Variants in NUP98 observed in about 807,000 individuals in gnomAD.
The protein encoded by NUP98 is nucleoporin 98 and 96 precursor.
Under a neutral mutation model 191.9 loss-of-function variants are expected in NUP98, and 26 were observed. The observed-to-expected ratio is 0.14, with a 90% CI of 0.10 to 0.19. NUP98 has a LOEUF of 0.19. Ranked by LOEUF, NUP98 falls within the 10% of genes least tolerant of loss-of-function variation. NUP98 has a pLI of 1.00. For missense variants in NUP98, 1,941 were observed against 2,178.8 expected (o/e 0.89, Z 2.17); for synonymous variants, 808 against 778.4 (o/e 1.04, Z -0.63).
chr11:3,771,759 G>T lies in NUP98; in HGVS notation c.773C>A (p.Ala258Asp). The T allele has an allele frequency of 6.2e-7, 1 of 1,613,882 alleles. No individual in the cohort carries two copies. The highest frequency in any genetic ancestry group is 8.5e-7 in the Non-Finnish European group (1 of 1,179,862). ...TATCAAGTGCTTACTAGTTCCAAAG[G>T]CAGTTTTGTTCTGACCATATGCAAA... is the stretch of plus-strand genomic sequence containing the variant. Reference protein sequence around the residue: ...SGFAYGQNKTAFGTSTTGFGT... With the variant: ...SGFAYGQNKTDFGTSTTGFGT... The change falls in exon 7 of 33, where the codon GCC (alanine) becomes GAC (aspartate). Residue 258 changes from alanine to aspartate, a missense_variant. By Grantham distance (126) the Ala-to-Asp change is moderately radical (BLOSUM62 -2). Transcript: ENST00000324932.
chr11:3,693,583 G>C (rs890865550), intron 26 of NUP98, among the ~76,000 whole-genome samples: 38 of 152,156 alleles, frequency 2.5e-4, no homozygotes, highest in Middle Eastern at 6.3e-3. Context: ...GATTGATACA[G>C]AGTTGCACTG....
rs142489324 is a variant in NUP98 at position 3,753,345 on chromosome 11, C to G, written c.1238G>C (p.Gly413Ala). 2.8e-5 allele frequency: 46 copies of G among 1,614,122 alleles called. No homozygotes were observed. Among genetic ancestry groups the G allele is most frequent in the Non-Finnish European group, 3.6e-5 (43 of 1,180,006 alleles). ...TCCAAATCCTGCACCAAGCCCAGTTCCAAGAGTCCCAGGTGCTGGTTTACT... is the reference window on the plus strand; with the variant it reads ...TCCAAATCCTGCACCAAGCCCAGTTGCAAGAGTCCCAGGTGCTGGTTTACT... The part of the protein sequence containing the change: ...FGSKPAPGTL[G>A]TGLGAGFGTA... The change falls in exon 11 of 33, where the codon GGA becomes GCA. Residue 413 changes from glycine (G) to alanine (A), a missense_variant. Physicochemically the swap from Gly to Ala is moderately conservative, Grantham distance 60. This residue lies in a region of NUP98 where 453 missense variants were observed against 438.2 expected (regional missense o/e 1.03). Transcript: ENST00000324932.
At chr11:3,738,776 CAAAAAAAAA>C (rs58460963) in intron 12 of NUP98, among the ~76,000 whole-genome samples, 4 of 67,242 alleles carry the variant, frequency 5.9e-5, no homozygotes, top group Admixed American at 2.1e-4. Context: ...AGACTCCTCT[CAAAAAAAAA>C]AAAAAAAAAA....
At chr11:3,723,509 T>TAA in intron 15 of NUP98, 54 bp from the exon 16 acceptor site, 2 of 1,471,562 alleles carry the variant, frequency 1.4e-6, no homozygotes, top group Non-Finnish European at 1.9e-6. Context: ...ATAACAATGA[T>TAA]AATAGCTAAC....
chr11:3,686,031 C>G lies in NUP98; in HGVS notation c.4618G>C (p.Glu1540Gln). ...VLQASYAGQL[E>Q]SEGLWEWAIF... is the part of the protein sequence containing the mutation. ...GCCCACTCCCAGAGCCCCTCACTTT[C>G]AAGCTGGCCAGCGTAACTGGCCTGT... Residue 1540 changes from glutamate (E) to glutamine (Q), a missense_variant, in exon 29 of 33, where the codon GAA (glutamate) becomes CAA (glutamine). Physicochemically the swap from Glu to Gln is conservative, Grantham distance 29 (BLOSUM62 2). Around this residue, in one of 6 missense-constraint regions of NUP98, gnomAD observed 1,030 missense variants for 1,115.8 expected, o/e 0.92. Transcript: ENST00000324932. 3 of 1,614,238 alleles carry G rather than the reference C, an allele frequency of 1.9e-6. No homozygotes were observed. Among genetic ancestry groups the G allele is most frequent in the Non-Finnish European group, 2.5e-6 (3 of 1,180,044 alleles).
Position 3,723,344 on chromosome 11 carries a change from G to A in NUP98, c.1959C>T (p.Thr653=). 6.2e-7 allele frequency: 1 copy of A among 1,613,980 alleles called. No individual in the cohort carries two copies. The highest frequency in any genetic ancestry group is 1.1e-5 in the South Asian group (1 of 91,072). Reference sequence around the variant, plus strand: ...TGTGTTTATTTCCAGCACTTTCTGGGGTTTGAGGAATAGGTTTGGCAATAG... The same window carrying A: ...TGTGTTTATTTCCAGCACTTTCTGGAGTTTGAGGAATAGGTTTGGCAATAG... ...TNPIAKPIPQ[T]PESAGNKHSN... is the part of the protein sequence containing the mutation. The change falls in exon 16 of 33, where the codon ACC becomes ACT. Residue 653 remains threonine (T), a synonymous_variant. Transcript: ENST00000324932.
rs566484880 is a variant in NUP98 at position 3,773,367 on chromosome 11, C to G, written c.603+265G>C. Among the ~76,000 whole-genome samples the G allele has an allele frequency of 1.1e-3, 169 of 151,614 alleles. 1 individual carries two copies. The highest frequency in any genetic ancestry group is 4.0e-3 in the African/African-American group (165 of 41,296). Reference sequence around the variant, plus strand: ...CTGTGATTGTGTCACTGCATTCCAGCCTGGGCAAAAAAGCCCATCTCAAAA... The same window carrying G: ...CTGTGATTGTGTCACTGCATTCCAGGCTGGGCAAAAAAGCCCATCTCAAAA... On this transcript the variant is annotated intron_variant, in intron 6 of 32. Coordinates refer to ENST00000324932, the MANE Select transcript of NUP98 (RefSeq NM_016320.5).
intron 1 of NUP98, among the ~76,000 whole-genome samples, chr11:3,785,487 G>A (rs369465985): frequency 1.3e-5 from 2 of 152,110 alleles, no homozygotes; most frequent in African/African-American, 2.4e-5. Context: ...GGCTGGATGC[G>A]GTGGCTCATG....
chr11:3,726,211 TA>T (rs970588985), intron 14 of NUP98, among the ~76,000 whole-genome samples: 7 of 146,026 alleles, frequency 4.8e-5, no homozygotes, highest in Admixed American at 1.4e-4. Flanking sequence ...AACAAAAACA[TA>T]AAAAAAAAGA....
At chr11:3,769,148 G>C (rs2081434214) in intron 7 of NUP98, among the ~76,000 whole-genome samples, 2 of 152,156 alleles carry the variant, frequency 1.3e-5, no homozygotes, top group Non-Finnish European at 2.9e-5. Flanking sequence ...ATATGGGCCA[G>C]GCACAGTGGC....
intron 30 of NUP98, among the ~76,000 whole-genome samples, chr11:3,679,992 G>A (rs763328459): frequency 6.6e-6 from 1 of 152,184 alleles, no homozygotes; most frequent in Non-Finnish European, 1.5e-5. Context: ...ACAGCATTAT[G>A]TCTAAAAAAC....
At chr11:3,727,023 A>G (rs554951131) in intron 14 of NUP98, among the ~76,000 whole-genome samples, 1 of 152,156 alleles carries the variant, frequency 6.6e-6, no homozygotes, top group Admixed American at 6.5e-5. Context: ...TTGGTCTCTC[A>G]AAGTGCTGAG....
chr11:3,686,097 G>T lies in NUP98; in HGVS notation c.4552C>A (p.Leu1518Ile). Residue 1518 changes from leucine (L) to isoleucine (I), a missense_variant, in exon 29 of 33, where the codon CTT (leucine) becomes ATT (isoleucine). Leu to Ile is a conservative substitution (Grantham distance 5). This residue lies in a region of NUP98 where 1,030 missense variants were observed against 1,115.8 expected (regional missense o/e 0.92). Transcript: ENST00000324932. ...SWHLWEVLRALNYTHLSAQCE... is the reference protein window; with the variant it reads ...SWHLWEVLRAINYTHLSAQCE... The stretch of plus-strand genomic sequence containing the variant: ...TGCGCTGAGAGATGGGTGTAGTTAA[G>T]AGCCCTCAGCACTTCCCACAAGTGC... 1 of 1,614,210 alleles carries T rather than the reference G, an allele frequency of 6.2e-7. No homozygotes were observed. The highest frequency in any genetic ancestry group is 8.5e-7 in the Non-Finnish European group (1 of 1,180,038).
chr11:3,712,286 A>C (rs2079042424), intron 20 of NUP98: 1 of 1,203,354 alleles, frequency 8.3e-7, no homozygotes, highest in African/African-American at 1.6e-5. Context: ...CTGAGCAGAG[A>C]ATTCAGCAAG....
chr11:3,777,620 C>CA (rs35614116), intron 4 of NUP98, among the ~76,000 whole-genome samples: 19,765 of 58,968 alleles, frequency 0.34, 2,646 homozygotes, highest in Non-Finnish European at 0.36. Context: ...GACTCCGTCT[C>CA]AAAAAAAAAA....
chr11:3,786,118 G>C (rs985559558), intron 1 of NUP98, among the ~76,000 whole-genome samples: 3 of 152,196 alleles, frequency 2.0e-5, no homozygotes, highest in Non-Finnish European at 2.9e-5. Context: ...TAAGGCACAA[G>C]AATCTATTTG....
In NUP98 at chr11:3,759,365, G is replaced by A. The variant is rs541798551; in HGVS notation, c.1174+1174C>T. ...TAATCCCAGCACTTTGGGAGGCCGA[G>A]GCAGGCAGATCATTTGAGCTCAGGA... On this transcript the variant is annotated intron_variant, in intron 10 of 32. Coordinates refer to ENST00000324932, the MANE Select transcript of NUP98 (RefSeq NM_016320.5). 4.6e-5 allele frequency among the ~76,000 whole-genome samples: 7 copies of A among 152,296 alleles called. No homozygotes were observed. The South Asian group carries it at 6.2e-4, about 14-fold the overall frequency.
At chr11:3,772,030 T>A (rs2081547999) in intron 6 of NUP98, 102 bp from the exon 7 acceptor site, 1 of 947,724 alleles carries the variant, frequency 1.1e-6, no homozygotes, top group Admixed American at 2.8e-5. Context: ...TATGTTCACA[T>A]AGGAACCATA....
intron 23 of NUP98, among the ~76,000 whole-genome samples, chr11:3,701,808 C>T (rs1446182150): frequency 6.6e-6 from 1 of 151,738 alleles, no homozygotes; most frequent in Non-Finnish European, 1.5e-5. Context: ...GCCTCAGCCT[C>T]CTGACTAGCT....
Sources: allele counts gnomAD v4.1 joint callset (sites outside exome capture counted in the v4.1 genomes callset), GRCh38; gene constraint gnomAD v4.1.1; regional missense constraint gnomAD v4.1.1; transcripts MANE v1.5; gene names NCBI Gene and HGNC (gene_info 2026-07-23, HGNC 2026-07-21).